Variants in MBNL2 observed in about 807,000 individuals in gnomAD.
The protein encoded by MBNL2 is muscleblind-like protein 2.
In MBNL2, 17 loss-of-function variants were observed where a neutral mutation model predicts 41.9. The ratio of observed to expected loss-of-function variants is 0.41; its 90% CI spans 0.28 to 0.61. MBNL2 has a LOEUF of 0.61. MBNL2 is among the 20% of genes least tolerant of loss of function. The pLI, the probability that MBNL2 is intolerant of heterozygous loss-of-function variation, is 0.35. For synonymous variants in MBNL2, 195 were observed against 182.9 expected (o/e 1.07, Z -0.53); for missense variants, 336 against 505.6 (o/e 0.66, Z 3.22).
chr13:97,339,867 G>T, intron 3 of MBNL2, among the ~76,000 whole-genome samples: 1 of 116,906 alleles, frequency 8.6e-6, no homozygotes, highest in Admixed American at 8.6e-5. Flanking sequence ...ACTGATTTGT[G>T]TGTGGGCGGG....
chr13:97,215,018 G>A, the MBNL2 span, among the ~76,000 whole-genome samples: 1 of 152,240 alleles, frequency 6.6e-6, no homozygotes, highest in African/African-American at 2.4e-5. Flanking sequence ...CTGCCTCAGA[G>A]TGTTCTTTCT....
At chr13:97,373,154 G>A (rs1246455924) in intron 8 of MBNL2, among the ~76,000 whole-genome samples, 1 of 152,150 alleles carries the variant, frequency 6.6e-6, no homozygotes, top group Non-Finnish European at 1.5e-5. Flanking sequence ...ATTACAGAAA[G>A]CAGCTGGGCC....
At chr13:97,218,324 G>A (rs2040543295), upstream of MBNL2, among the ~76,000 whole-genome samples, 1 of 151,756 alleles carries the variant, frequency 6.6e-6, no homozygotes, top group Non-Finnish European at 1.5e-5. Flanking sequence ...GCAGGAGAAT[G>A]GCGTGAACCC....
At chr13:97,389,571 T>A (rs1321941480) in intron 8 of MBNL2, among the ~76,000 whole-genome samples, 2 of 151,978 alleles carry the variant, frequency 1.3e-5, no homozygotes, top group Non-Finnish European at 2.9e-5. Flanking sequence ...GCAGGCATGG[T>A]GGTGCGTGGT....
intron 8 of MBNL2, among the ~76,000 whole-genome samples, chr13:97,388,429 C>T (rs1308178588): frequency 6.6e-6 from 1 of 151,598 alleles, no homozygotes; most frequent in East Asian, 1.9e-4. Flanking sequence ...TTGTTTAGTG[C>T]TAAATCAACA....
chr13:97,314,609 A>G (rs986531163), intron 2 of MBNL2, among the ~76,000 whole-genome samples: 29 of 152,230 alleles, frequency 1.9e-4, no homozygotes, highest in Non-Finnish European at 1.2e-4. Context: ...CAATGAATGG[A>G]TGAATGATTG....
intron 1 of MBNL2, among the ~76,000 whole-genome samples, chr13:97,274,358 G>A (rs918987899): frequency 6.6e-5 from 10 of 151,966 alleles, no homozygotes; most frequent in Non-Finnish European, 1.3e-4. Context: ...TTAGCCAGGC[G>A]TGGTGTCAGA....
At chr13:97,323,016 A>G (rs2059630456) in intron 2 of MBNL2, among the ~76,000 whole-genome samples, 2 of 152,198 alleles carry the variant, frequency 1.3e-5, no homozygotes, top group Admixed American at 6.5e-5. Context: ...TGGCCAGAGA[A>G]GCAGGGAAAA....
At chr13:97,154,286 C>T in the MBNL2 span, among the ~76,000 whole-genome samples, 1 of 151,990 alleles carries the variant, frequency 6.6e-6, no homozygotes, top group Non-Finnish European at 1.5e-5. Flanking sequence ...AGGCTTTTAA[C>T]CCCATTTTTT....
the MBNL2 span, among the ~76,000 whole-genome samples, chr13:97,146,778 A>G: frequency 2.0e-5 from 3 of 152,154 alleles, no homozygotes; most frequent in African/African-American, 7.2e-5. Flanking sequence ...ATGGCCAGTG[A>G]CCCAACAAGA....
At chr13:97,355,399 G>C (rs566183785) in intron 5 of MBNL2, among the ~76,000 whole-genome samples, 67 of 151,968 alleles carry the variant, frequency 4.4e-4, no homozygotes, top group Non-Finnish European at 6.3e-4. Context: ...GTCATTAACT[G>C]TTTCCCATTT....
the MBNL2 span, among the ~76,000 whole-genome samples, chr13:97,214,591 A>T: frequency 4.6e-5 from 7 of 152,178 alleles, no homozygotes; most frequent in Admixed American, 4.6e-4. Context: ...CTCAGTCAGA[A>T]GGTGGGCAGA....
rs57849294 is a variant in MBNL2 at position 97,268,073 on chromosome 13, T to TTTCCTTCCTTCCTTCCTTCCTTCC, written c.-604-7552_-604-7529dup. ...CCTAAGAGTGTGCTTTTCTTTTTTC[T>TTTCCTTCCTTCCTTCCTTCCTTCC]TTCCTTCCTTCCTTCCTTCCTTCCT... is the stretch of plus-strand genomic sequence containing the variant. On this transcript the variant is annotated intron_variant, in intron 1 of 8. Coordinates refer to ENST00000679496, the MANE Select transcript of MBNL2 (RefSeq NM_001382683.1). This position sits in a 1 kb window ranked among gnomAD's most constrained non-coding sequence, Gnocchi z 4.6. Among the ~76,000 whole-genome samples, 3 of 147,838 alleles carry TTTCCTTCCTTCCTTCCTTCCTTCC rather than the reference T, an allele frequency of 2.0e-5. No homozygotes were observed. The highest frequency in any genetic ancestry group is 7.6e-5 in the African/African-American group (3 of 39,482).
intron 8 of MBNL2, among the ~76,000 whole-genome samples, chr13:97,382,080 T>C (rs930004112): frequency 6.6e-6 from 1 of 152,236 alleles, no homozygotes; most frequent in African/African-American, 2.4e-5. Flanking sequence ...TTAAACACTT[T>C]CAAATATTTT....
intron 2 of MBNL2, among the ~76,000 whole-genome samples, chr13:97,333,978 G>GGGAA (rs1335554127): frequency 7.0e-6 from 1 of 142,126 alleles, no homozygotes; most frequent in Non-Finnish European, 1.6e-5. Flanking sequence ...AAGGGAGGGA[G>GGGAA]GGAGGGAGGG....
Position 97,391,361 on chromosome 13 carries a change from A to C in MBNL2, c.1088A>C (p.Gln363Pro), listed in dbSNP as rs925169470. Reference sequence around the variant, plus strand: ...ATCAGCAGAAACGGAATGGAATGCCAAGAATCTGCATTGAGAATAACTAAA... The same window carrying C: ...ATCAGCAGAAACGGAATGGAATGCCCAGAATCTGCATTGAGAATAACTAAA... Reference protein sequence around the residue: ...EIISRNGMECQESALRITKHC... With the variant: ...EIISRNGMECPESALRITKHC... Residue 363 changes from glutamine (Q) to proline (P), a missense_variant, in exon 9 of 9, where the codon CAA becomes CCA. Coordinates refer to ENST00000679496, the MANE Select transcript of MBNL2 (RefSeq NM_001382683.1). 37 of 1,582,410 alleles carry C rather than the reference A, an allele frequency of 2.3e-5. No homozygotes were observed. Among genetic ancestry groups the C allele is most frequent in the Non-Finnish European group, 3.2e-5 (37 of 1,151,652 alleles).
At chr13:97,376,894 C>T (rs2065010859) in intron 8 of MBNL2, among the ~76,000 whole-genome samples, 1 of 152,116 alleles carries the variant, frequency 6.6e-6, no homozygotes, top group African/African-American at 2.4e-5. Flanking sequence ...AGTGGCTTAC[C>T]CAATTCACAC....
chr13:97,257,756 G>T lies in MBNL2; in HGVS notation c.-604-17876G>T, dbSNP rs550832204. Among the ~76,000 whole-genome samples the T allele has an allele frequency of 1.7e-4, 26 of 152,308 alleles. 1 individual carries two copies. The East Asian group carries it at 3.9e-3, about 23-fold the overall frequency. On this transcript the variant is annotated intron_variant, in intron 1 of 8. Coordinates refer to ENST00000679496, the MANE Select transcript of MBNL2 (RefSeq NM_001382683.1). ...GCGCCTGTGCAGGGTGTGCTCCTCAGATTTTACATTTCACTCCTCCATTCA... is the reference window on the plus strand; with the variant it reads ...GCGCCTGTGCAGGGTGTGCTCCTCATATTTTACATTTCACTCCTCCATTCA...
At chr13:97,182,315 G>T in the MBNL2 span, among the ~76,000 whole-genome samples, 1 of 152,218 alleles carries the variant, frequency 6.6e-6, no homozygotes, top group Admixed American at 6.5e-5. Flanking sequence ...GCAGGTGGAC[G>T]AAGGAAGTCA....
Sources: allele counts gnomAD v4.1 joint callset (sites outside exome capture counted in the v4.1 genomes callset), GRCh38; gene constraint gnomAD v4.1.1; non-coding constraint Gnocchi (gnomAD v3.1); transcripts MANE v1.5; gene names NCBI Gene and HGNC (gene_info 2026-07-23, HGNC 2026-07-21).